ACACA: variants seen among roughly 807,000 people sequenced by gnomAD.
The protein encoded by ACACA is acetyl-CoA carboxylase alpha.
A neutral mutation model predicts 296.1 loss-of-function variants in ACACA; 103 were observed. That is an observed-to-expected ratio of 0.35 (90% CI 0.30 to 0.41). The LOEUF is 0.41. Among genes scored for constraint, ACACA ranks in the 10% least tolerant of loss-of-function variants. The pLI, the probability that ACACA is intolerant of heterozygous loss-of-function variation, is 1.00. For missense variants in ACACA, 1,554 were observed against 2,989.7 expected, an observed-to-expected ratio of 0.52 and a Z score of 11.20; for synonymous variants, 953 against 1,038.6, an observed-to-expected ratio of 0.92 and a Z score of 1.58.
Position 37,085,623 on chromosome 17 carries a change from CT to C in ACACA, c.*1692del. ...GCCCTTTTCTGAAGGTGCTGAACACCTGTACCTTCCACCAGGGCAGCCGGGC... is the reference window on the plus strand; with the variant it reads ...GCCCTTTTCTGAAGGTGCTGAACACCGTACCTTCCACCAGGGCAGCCGGGC... On this transcript the variant is annotated 3_prime_UTR_variant, in exon 56 of 56. Transcript: ENST00000616317. 1 of 399,174 alleles carries C rather than the reference CT, an allele frequency of 2.5e-6. No homozygotes were observed. Among genetic ancestry groups the C allele is most frequent in the Non-Finnish European group, 4.4e-6 (1 of 226,208 alleles). The allele number at this position is 399,174 out of a possible 1,614,324, so 24.7% of individuals were successfully genotyped here. A position where few individuals can be genotyped will look rare whatever the true frequency, so the allele number is the denominator to read the frequency against.
intron 30 of ACACA, 84 bp downstream of exon 30, chr17:37,210,383 G>A (rs2078692572): frequency 2.4e-6 from 3 of 1,254,358 alleles, no homozygotes; most frequent in African/African-American, 1.5e-5. Context: ...CTTGTCAAGT[G>A]TTGTGGTTTT....
chr17:37,259,945 T>G (rs942776552), intron 11 of ACACA, among the ~76,000 whole-genome samples: 1 of 148,882 alleles, frequency 6.7e-6, no homozygotes, highest in African/African-American at 2.5e-5. Context: ...AGTGGCACAA[T>G]CTCGTGGCTC....
chr17:37,111,330 C>T (rs1244756874), intron 52 of ACACA, among the ~76,000 whole-genome samples: 2 of 152,004 alleles, frequency 1.3e-5, no homozygotes, highest in Non-Finnish European at 2.9e-5. Context: ...AATCAGGTGA[C>T]TTTTGCTTTT....
intron 2 of ACACA, among the ~76,000 whole-genome samples, chr17:37,335,142 C>T (rs2048056881): frequency 6.6e-6 from 1 of 152,074 alleles, no homozygotes; most frequent in Non-Finnish European, 1.5e-5. Context: ...TACATGAAAC[C>T]CTCCATACCC....
chr17:37,252,158 A>G, intron 15 of ACACA, 50 bp from the exon 16 acceptor site: 1 of 1,445,956 alleles, frequency 6.9e-7, no homozygotes, highest in South Asian at 1.1e-5. Context: ...ACTTGGCACC[A>G]CAGCCTCTCA....
rs776981023 is a variant in ACACA at position 37,121,290 on chromosome 17, C to A, written c.6274+65G>T. On this transcript the variant is annotated intron_variant, in intron 50 of 55. Transcript: ENST00000616317. ...CCACAGATTCTGCTGAATCTATACC[C>A]TCCCTCTGCCGCAGAGTGCCCAGTA... 4.3e-6 allele frequency: 7 copies of A among 1,609,916 alleles called. No homozygotes were observed. The African/African-American group carries it at 9.4e-5, about 22-fold the overall frequency.
At chr17:37,132,378 G>A (rs976835889) in intron 45 of ACACA, among the ~76,000 whole-genome samples, 3 of 152,196 alleles carry the variant, frequency 2.0e-5, no homozygotes. Flanking sequence ...GAGCCTGGTA[G>A]AGGCAGAAAC....
chr17:37,386,228 A>C, intron 1 of ACACA: 1 of 688,060 alleles, frequency 1.5e-6, no homozygotes. Context: ...GGATCTACTG[A>C]TATTTTTCTT....
At chr17:37,273,785 C>T (rs1363528815) in intron 9 of ACACA, among the ~76,000 whole-genome samples, 3 of 152,184 alleles carry the variant, frequency 2.0e-5, no homozygotes, top group African/African-American at 2.4e-5. Context: ...ACTGTTTGAT[C>T]TCTGCTTCCT....
Position 37,228,765 on chromosome 17 carries a change from C to A in ACACA, c.3247-2313G>T, listed in dbSNP as rs180841520. 2.0e-5 allele frequency among the ~76,000 whole-genome samples: 3 copies of A among 152,236 alleles called. No homozygotes were observed. The East Asian group carries it at 5.8e-4, about 29-fold the overall frequency. On this transcript the variant is annotated intron_variant, in intron 25 of 55. Coordinates refer to ENST00000616317, the MANE Select transcript of ACACA (RefSeq NM_198834.3). ...CAAAATGCCTAAAAACATAAGAAGT[C>A]TACTGGGTAATGCCACAACTCGACT...
chr17:37,200,991 C>A (rs929210239), intron 33 of ACACA, among the ~76,000 whole-genome samples: 1 of 152,196 alleles, frequency 6.6e-6, no homozygotes, highest in Admixed American at 6.5e-5. Context: ...CAAATTGTAA[C>A]CTTTCAGTTT....
chr17:37,140,066 G>A (rs559451393), intron 45 of ACACA, among the ~76,000 whole-genome samples: 1 of 152,324 alleles, frequency 6.6e-6, no homozygotes, highest in East Asian at 1.9e-4. Context: ...ATAGATGAAT[G>A]GGATTGGCTC....
At chr17:37,350,994 G>C (rs1015135909) in intron 1 of ACACA, among the ~76,000 whole-genome samples, 1 of 148,960 alleles carries the variant, frequency 6.7e-6, no homozygotes, top group African/African-American at 2.5e-5. Flanking sequence ...TTAGAGGGGC[G>C]TGGTGGAGCG....
At chr17:37,138,341 C>G (rs889705729) in intron 45 of ACACA, among the ~76,000 whole-genome samples, 1 of 152,180 alleles carries the variant, frequency 6.6e-6, no homozygotes, top group African/African-American at 2.4e-5. Context: ...ATTCATAGAC[C>G]AGTCTGTGCA....
intron 25 of ACACA, among the ~76,000 whole-genome samples, chr17:37,229,630 A>G (rs920953304): frequency 3.9e-5 from 6 of 152,120 alleles, no homozygotes. Context: ...AACTTAAAAG[A>G]CAAAACAAAG....
chr17:37,390,361 G>T (rs1439883689), intron 1 of ACACA, among the ~76,000 whole-genome samples: 1 of 92,750 alleles, frequency 1.1e-5, no homozygotes, highest in African/African-American at 4.6e-5. Flanking sequence ...GGGCACGGTG[G>T]CTCACGCCTG....
At position 37,385,371 on chromosome 17, in the gene ACACA, G is replaced by T. The variant is rs141897719; in HGVS notation, c.38+20891C>A. ...ACCTGTAGTCTCAGCTACTTGGGAG[G>T]CTGAGGCACGAGAATCATTTTAACC... On this transcript the variant is annotated intron_variant, in intron 1 of 55. Coordinates refer to ENST00000616317, the MANE Select transcript of ACACA (RefSeq NM_198834.3). Among the ~76,000 whole-genome samples the T allele has an allele frequency of 3.6e-3, 545 of 152,234 alleles. 16 individuals are homozygous for T. The East Asian group carries it at 0.066, about 18-fold the overall frequency.
intron 3 of ACACA, among the ~76,000 whole-genome samples, chr17:37,326,187 T>G (rs1598495531): frequency 8.1e-6 from 1 of 124,128 alleles, no homozygotes; most frequent in African/African-American, 3.3e-5. Context: ...TCAGCCTGGG[T>G]GAAAGAGCAA....
chr17:37,261,617 A>C (rs2081517931), intron 11 of ACACA, among the ~76,000 whole-genome samples: 1 of 152,240 alleles, frequency 6.6e-6, no homozygotes. Context: ...TGAATGAGGA[A>C]GAACTTCCCA....
Sources: allele counts gnomAD v4.1 joint callset (sites outside exome capture counted in the v4.1 genomes callset), GRCh38; gene constraint gnomAD v4.1.1; transcripts MANE v1.5; gene names NCBI Gene and HGNC (gene_info 2026-07-23, HGNC 2026-07-21).